Variants in TOP2B observed in about 807,000 individuals in gnomAD.
TOP2B encodes the protein DNA topoisomerase 2-beta.
Under a neutral mutation model 193.5 loss-of-function variants are expected in TOP2B, and 51 were observed. That is an observed-to-expected ratio of 0.26 (90% CI 0.21 to 0.33). The LOEUF is 0.33. Among genes scored for constraint, TOP2B ranks in the 10% least tolerant of loss-of-function variants. The pLI, the probability that TOP2B is intolerant of heterozygous loss-of-function variation, is 1.00. For missense variants in TOP2B, 1,378 were observed against 1,909.3 expected (o/e 0.72, Z 5.19); for synonymous variants, 634 against 635.7 (o/e 1.00, Z 0.04).
chr3:25,605,164 A>G (rs1010041375), intron 32 of TOP2B, among the ~76,000 whole-genome samples: 3 of 152,176 alleles, frequency 2.0e-5, no homozygotes, highest in African/African-American at 7.2e-5. Flanking sequence ...ACATGCTGCC[A>G]ATTTATTTTA....
At chr3:25,624,548 A>T in intron 19 of TOP2B, 103 bp from the exon 20 acceptor site, 1 of 1,530,722 alleles carries the variant, frequency 6.5e-7, no homozygotes, top group Non-Finnish European at 8.8e-7. Context: ...AGGCTTTAGA[A>T]TCTCACTAAT....
At position 25,598,200 on chromosome 3, in the gene TOP2B, A is replaced by ATT. The variant is rs1701970477; in HGVS notation, c.*105_*106dup. ...CTACCACAATAATAAAAAACCGTCA[A>ATT]TTACATCATCACATTAAAATAAGCC... On this transcript the variant is annotated 3_prime_UTR_variant, in exon 36 of 36. Transcript: ENST00000264331. 19 of 1,216,462 alleles carry ATT rather than the reference A, an allele frequency of 1.6e-5. No homozygotes were observed. The highest frequency in any genetic ancestry group is 2.2e-5 in the Non-Finnish European group (19 of 878,410). 75.4% of individuals were successfully genotyped at this position (1,216,462 alleles called of 1,614,324 possible).
At chr3:25,646,086 T>C (rs1703407405) in intron 1 of TOP2B, among the ~76,000 whole-genome samples, 2 of 152,062 alleles carry the variant, frequency 1.3e-5, no homozygotes, top group African/African-American at 4.8e-5. Context: ...TTAATTTTTG[T>C]GGTCCTCAAA....
In TOP2B at chr3:25,640,936, TTTTG is replaced by T. The variant is rs887764022; in HGVS notation, c.395+1382_395+1385del. Among the ~76,000 whole-genome samples, 234 of 151,770 alleles carry T rather than the reference TTTTG, an allele frequency of 1.5e-3. 1 individual carries two copies. The highest frequency in any genetic ancestry group is 5.3e-3 in the African/African-American group (218 of 41,420). On this transcript the variant is annotated intron_variant, in intron 4 of 35. Transcript: ENST00000264331. The stretch of plus-strand genomic sequence containing the variant: ...CACCATGCCCAGATAATTTTGGTGT[TTTTG>T]TTTGTTTGTTTGTTTGTTTTTTGTA...
At chr3:25,611,455 G>A (rs1249301411) in intron 28 of TOP2B, among the ~76,000 whole-genome samples, 1 of 152,144 alleles carries the variant, frequency 6.6e-6, no homozygotes, top group Non-Finnish European at 1.5e-5. Context: ...TCTAACTCTA[G>A]CTCTTTAGGC....
At chr3:25,647,604 C>T (rs1443659646) in intron 1 of TOP2B, among the ~76,000 whole-genome samples, 2 of 145,268 alleles carry the variant, frequency 1.4e-5, no homozygotes, top group East Asian at 4.1e-4. Flanking sequence ...AACTAAAGGG[C>T]ACACAGGGAT....
chr3:25,634,565 T>A (rs2125383339), intron 7 of TOP2B, among the ~76,000 whole-genome samples: 1 of 151,354 alleles, frequency 6.6e-6, no homozygotes, highest in East Asian at 1.9e-4. Context: ...ACTGGAAGAG[T>A]GTATACTAGT....
At chr3:25,604,573 TTAAG>T (rs1702187285) in intron 33 of TOP2B, among the ~76,000 whole-genome samples, 183 bp downstream of exon 33, 1 of 152,216 alleles carries the variant, frequency 6.6e-6, no homozygotes, top group Admixed American at 6.5e-5. Context: ...AGCTTTAAAA[TTAAG>T]TCTTACAGAA....
At chr3:25,651,518 C>T (rs542440690) in intron 1 of TOP2B, among the ~76,000 whole-genome samples, 112 of 150,172 alleles carry the variant, frequency 7.5e-4, no homozygotes, top group African/African-American at 2.6e-3. Flanking sequence ...AGCTATAAGA[C>T]ATATAAAAAA....
At position 25,623,559 on chromosome 3, in the gene TOP2B, T is replaced by C; in HGVS notation, c.2683A>G (p.Asn895Asp). ...CCATCTAGCATTCGTCTGACATTGT[T>C]CACAATTTCCCTAGCATCATAGTTG... is the stretch of plus-strand genomic sequence containing the variant. The part of the protein sequence containing the change: ...LPNYDAREIV[N>D]NVRRMLDGLD... Residue 895 changes from asparagine (N) to aspartate (D), a missense_variant, in exon 21 of 36, where the codon AAC becomes GAC. Physicochemically the swap from Asn to Asp is conservative, Grantham distance 23 (BLOSUM62 1). Coordinates refer to ENST00000264331, the MANE Select transcript of TOP2B (RefSeq NM_001330700.2). 1 of 1,613,974 alleles carries C rather than the reference T, an allele frequency of 6.2e-7. No homozygotes were observed. Among genetic ancestry groups the C allele is most frequent in the Non-Finnish European group, 8.5e-7 (1 of 1,179,870 alleles).
At chr3:25,623,188 A>C (rs1420730021) in intron 21 of TOP2B, among the ~76,000 whole-genome samples, 1 of 152,234 alleles carries the variant, frequency 6.6e-6, no homozygotes, top group Non-Finnish European at 1.5e-5. Flanking sequence ...ATTAAGCGGT[A>C]GTTTGAGAAC....
At position 25,623,385 on chromosome 3, in the gene TOP2B, C is replaced by A. The variant is rs1014169711; in HGVS notation, c.2727+130G>T. 15 of 800,872 alleles carry A rather than the reference C, an allele frequency of 1.9e-5. No individual in the cohort carries two copies. In the African/African-American group the frequency reaches 2.3e-4, roughly 12 times the overall value. The allele number at this position is 800,872 out of a possible 1,614,324, so 49.6% of individuals were successfully genotyped here. A position where few individuals can be genotyped will look rare whatever the true frequency, so the allele number is the denominator to read the frequency against. ...TACTGTAGGCACATATCAAATTATA[C>A]CCTAATTAGGTCTTTACGGTCTACA... On this transcript the variant is annotated intron_variant, in intron 21 of 35. Transcript: ENST00000264331.
chr3:25,600,341 T>C (rs1329424215), intron 34 of TOP2B, among the ~76,000 whole-genome samples: 1 of 152,222 alleles, frequency 6.6e-6, no homozygotes, highest in East Asian at 1.9e-4. Context: ...TCTTGGGATG[T>C]CATATTTGAT....
At chr3:25,602,311 C>T (rs564026642) in intron 33 of TOP2B, among the ~76,000 whole-genome samples, 45 of 149,844 alleles carry the variant, frequency 3.0e-4, no homozygotes, top group African/African-American at 1.1e-3. Context: ...GCAGAGGAAT[C>T]GCTTGAACCC....
rs1703102939 is a variant in TOP2B, at chr3:25,636,292, T to C, written c.640-144A>G. 4 of 614,314 alleles carry C rather than the reference T, an allele frequency of 6.5e-6. No homozygotes were observed. The South Asian group carries it at 1.0e-4, about 16-fold the overall frequency. 38.1% of individuals were successfully genotyped at this position (614,314 alleles called of 1,614,324 possible). A position where few individuals can be genotyped will look rare whatever the true frequency, so the allele number is the denominator to read the frequency against. ...AAACCAAACAAATCCTTGATAATAT[T>C]ACAGACAAAAAAAAATAGTAAATAC... On this transcript the variant is annotated intron_variant, in intron 6 of 35. Transcript: ENST00000264331.
rs1224120357 is a variant in TOP2B, at chr3:25,634,799, C to CAAAAAAAA, written c.853-786_853-785insTTTTTTTT. Among the ~76,000 whole-genome samples, 13 of 96,436 alleles carry CAAAAAAAA rather than the reference C, an allele frequency of 1.3e-4. 2 individuals carry two copies. Among genetic ancestry groups the CAAAAAAAA allele is most frequent in the Non-Finnish European group, 2.0e-4 (10 of 48,944 alleles). 63.3% of individuals were successfully genotyped at this position (96,436 alleles called of 152,430 possible). ...TTACCAAAAAAAAAAAAAAAAAAAC[C>CAAAAAAAA]AAAAAAAGGCTTATTCTGCAGGGCA... On this transcript the variant is annotated intron_variant, in intron 7 of 35. Coordinates refer to ENST00000264331, the MANE Select transcript of TOP2B (RefSeq NM_001330700.2).
intron 1 of TOP2B, among the ~76,000 whole-genome samples, chr3:25,648,994 C>T (rs946669375): frequency 3.3e-5 from 5 of 152,086 alleles, no homozygotes; most frequent in African/African-American, 7.2e-5. Context: ...AACAAAAACT[C>T]GGTGTAACAA....
chr3:25,659,767 C>T (rs2125411944), intron 1 of TOP2B, among the ~76,000 whole-genome samples: 1 of 152,288 alleles, frequency 6.6e-6, no homozygotes, highest in South Asian at 2.1e-4. Flanking sequence ...TCCCAGATGT[C>T]TCCTTATTCT....
intron 22 of TOP2B, among the ~76,000 whole-genome samples, 161 bp from the exon 23 acceptor site, chr3:25,620,223 A>T (rs969807387): frequency 3.3e-5 from 5 of 151,662 alleles, no homozygotes; most frequent in Non-Finnish European, 7.4e-5. Flanking sequence ...GGCAATACAC[A>T]GGGATCTCGG....
Sources: allele counts gnomAD v4.1 joint callset (sites outside exome capture counted in the v4.1 genomes callset), GRCh38; gene constraint gnomAD v4.1.1; transcripts MANE v1.5; gene names NCBI Gene and HGNC (gene_info 2026-07-23, HGNC 2026-07-21).